The following LINGO2 variants were observed in gnomAD, a reference collection of about 807,000 sequenced individuals.
The protein encoded by LINGO2 is leucine-rich repeat and immunoglobulin-like domain-containing nogo receptor-interacting protein 2.
A neutral mutation model predicts 30.6 loss-of-function variants in LINGO2; 14 were observed. The observed-to-expected ratio is 0.46, with a 90% CI of 0.30 to 0.72. The LOEUF is 0.72. Ranked by LOEUF, LINGO2 falls within the 30% of genes least tolerant of loss-of-function variation. LINGO2 has a pLI of 0.07. For synonymous variants in LINGO2, 317 were observed against 288.5 expected (o/e 1.10, Z -1.00); for missense variants, 729 against 751.7 (o/e 0.97, Z 0.35).
chr9:28,635,067 A>G (rs546545681), intron 1 of LINGO2, among the ~76,000 whole-genome samples: 1 of 152,312 alleles, frequency 6.6e-6, no homozygotes, highest in African/African-American at 2.4e-5. Context: ...CTAGAAAAGC[A>G]AAGCAAAATA....
At chr9:28,956,050 TA>T in the LINGO2 span, among the ~76,000 whole-genome samples, 2 of 151,468 alleles carry the variant, frequency 1.3e-5, no homozygotes, top group Non-Finnish European at 1.5e-5. Flanking sequence ...GGAAACAGGT[TA>T]AAAAAAAATT....
chr9:28,279,806 C>T (rs895162539), intron 4 of LINGO2, among the ~76,000 whole-genome samples: 1 of 152,060 alleles, frequency 6.6e-6, no homozygotes, highest in African/African-American at 2.4e-5. Flanking sequence ...CCCACCCACC[C>T]ACAAAGAGCC....
the LINGO2 span, among the ~76,000 whole-genome samples, chr9:28,827,204 A>G: frequency 1.3e-5 from 2 of 152,232 alleles, no homozygotes; most frequent in African/African-American, 2.4e-5. Context: ...CTTAAGAGTC[A>G]TCTGTCCAGT....
intron 2 of LINGO2, among the ~76,000 whole-genome samples, chr9:28,438,871 C>T (rs936205182): frequency 3.5e-4 from 48 of 138,972 alleles, no homozygotes; most frequent in African/African-American, 1.2e-3. Flanking sequence ...TATATTTATA[C>T]ATTATATATA....
intron 3 of LINGO2, among the ~76,000 whole-genome samples, chr9:28,308,987 C>G (rs933292124): frequency 6.6e-6 from 1 of 152,032 alleles, no homozygotes; most frequent in Non-Finnish European, 1.5e-5. Context: ...GTTGGTGGGA[C>G]TGTAAACTAG....
intron 4 of LINGO2, among the ~76,000 whole-genome samples, chr9:28,045,954 C>CA (rs1345233374): frequency 6.6e-6 from 1 of 152,138 alleles, no homozygotes; most frequent in Non-Finnish European, 1.5e-5. Flanking sequence ...TATGATAACT[C>CA]AGGTTTCTCT....
At chr9:28,158,588 G>A (rs1378414342) in intron 4 of LINGO2, among the ~76,000 whole-genome samples, 2 of 152,162 alleles carry the variant, frequency 1.3e-5, no homozygotes, top group Admixed American at 6.5e-5. Flanking sequence ...AACTCAATCA[G>A]GGTTCAGTGG....
chr9:28,095,867 AAAAC>A (rs1159610932), intron 4 of LINGO2, among the ~76,000 whole-genome samples: 15 of 152,286 alleles, frequency 9.8e-5, no homozygotes, highest in South Asian at 4.1e-4. Context: ...TTACAAGAAA[AAAAC>A]AAACAACCCC....
chr9:28,974,361 G>A, the LINGO2 span, among the ~76,000 whole-genome samples: 21 of 152,092 alleles, frequency 1.4e-4, no homozygotes, highest in Admixed American at 1.4e-3. Context: ...AGCCAAGATT[G>A]TGCCACTGCA....
the LINGO2 span, among the ~76,000 whole-genome samples, chr9:28,676,883 A>G: frequency 3.9e-5 from 6 of 152,118 alleles, no homozygotes; most frequent in South Asian, 2.1e-4. Context: ...ATGGCTACAC[A>G]TTTTCTTAAG....
intron 1 of LINGO2, among the ~76,000 whole-genome samples, chr9:28,527,842 AG>A (rs750286600): frequency 8.5e-4 from 129 of 152,314 alleles, no homozygotes; most frequent in Middle Eastern, 3.4e-3. Flanking sequence ...GAACAGAATG[AG>A]TGCTGACTAA....
chr9:28,559,666 CT>C (rs988750337), intron 1 of LINGO2, among the ~76,000 whole-genome samples: 3 of 152,052 alleles, frequency 2.0e-5, no homozygotes, highest in African/African-American at 7.2e-5. Context: ...TCAAAATTCT[CT>C]TTTTTTCACA....
At chr9:28,784,778 C>T in the LINGO2 span, among the ~76,000 whole-genome samples, 1 of 151,810 alleles carries the variant, frequency 6.6e-6, no homozygotes, top group African/African-American at 2.4e-5. Context: ...ATGGTGAAAC[C>T]CCGTCTCTAC....
At chr9:28,735,540 A>G in the LINGO2 span, among the ~76,000 whole-genome samples, 1 of 152,190 alleles carries the variant, frequency 6.6e-6, no homozygotes, top group Non-Finnish European at 1.5e-5. Context: ...TCAAGTTATT[A>G]TAATTATCTT....
the LINGO2 span, among the ~76,000 whole-genome samples, chr9:28,810,584 A>G: frequency 1.6e-3 from 251 of 152,264 alleles, 1 homozygote; most frequent in Non-Finnish European, 2.7e-3. Context: ...TCCTGGGCAT[A>G]AAAGCAGAGA....
At chr9:28,632,500 C>G (rs1302203703) in intron 1 of LINGO2, among the ~76,000 whole-genome samples, 6 of 149,822 alleles carry the variant, frequency 4.0e-5, no homozygotes, top group Non-Finnish European at 7.4e-5. Flanking sequence ...CTTAGAGAGA[C>G]AGAACTAATT....
chr9:28,481,267 A>G (rs1825952594), intron 1 of LINGO2, among the ~76,000 whole-genome samples: 1 of 152,140 alleles, frequency 6.6e-6, no homozygotes, highest in South Asian at 2.1e-4. Context: ...AATAATTATT[A>G]ATATCCATAT....
In LINGO2 at chr9:28,015,518, T is replaced by C. The variant is rs556497376; in HGVS notation, c.-86-3113A>G. 5.3e-5 allele frequency among the ~76,000 whole-genome samples: 8 copies of C among 152,254 alleles called. No individual in the cohort carries two copies. In the East Asian group the frequency reaches 7.7e-4, roughly 15 times the overall value. The stretch of plus-strand genomic sequence containing the variant: ...GAAAATTAGTACTCTTCCTTCTATG[T>C]TTAAATTCCGTGTTTGACATTGTCT... On this transcript the variant is annotated intron_variant, in intron 4 of 5. Transcript: ENST00000379992.
intron 2 of LINGO2, among the ~76,000 whole-genome samples, chr9:28,473,095 A>AT (rs1416987872): frequency 6.6e-6 from 1 of 151,754 alleles, no homozygotes; most frequent in African/African-American, 2.4e-5. Context: ...TGGTCTTGTT[A>AT]TTTTTTTCTT....
Sources: gnomAD v4.1 joint callset for allele counts (sites outside exome capture counted in the v4.1 genomes callset) on GRCh38, gnomAD v4.1.1 for gene constraint, MANE v1.5 for transcripts, NCBI Gene and HGNC (gene_info 2026-07-23, HGNC 2026-07-21) for gene names.